The following PPP1R9A variants were observed in gnomAD, a reference collection of about 807,000 sequenced individuals.
The protein encoded by PPP1R9A is protein phosphatase 1 regulatory subunit 9A, also known as neurabin-1.
A neutral mutation model predicts 141.9 loss-of-function variants in PPP1R9A; 59 were observed. The ratio of observed to expected loss-of-function variants is 0.42; its 90% confidence interval spans 0.34 to 0.52. The LOEUF is 0.52. Ranked by LOEUF, PPP1R9A falls within the 20% of genes least tolerant of loss-of-function variation. The probability of loss-of-function intolerance (pLI) is 0.10; values close to 1 mark genes in which losing one functional copy is unlikely to be tolerated. For synonymous variants in PPP1R9A, 500 were observed against 569.7 expected (o/e 0.88, Z 1.74); for missense variants, 1,444 against 1,611.9 (o/e 0.90, Z 1.78).
intron 5 of PPP1R9A, among the ~76,000 whole-genome samples, chr7:95,190,609 A>G (rs1242416883): frequency 6.6e-6 from 1 of 151,890 alleles, no homozygotes; most frequent in East Asian, 2.0e-4. Flanking sequence ...TTGGAACAGG[A>G]TTGTTCTGTC....
intron 2 of PPP1R9A, among the ~76,000 whole-genome samples, chr7:94,936,614 A>G (rs1794782987): frequency 6.6e-6 from 1 of 151,836 alleles, no homozygotes; most frequent in African/African-American, 2.4e-5. Flanking sequence ...CAGTGTACTA[A>G]TAAAACCTTT....
chr7:95,211,685 T>C (rs1792160364), intron 7 of PPP1R9A, among the ~76,000 whole-genome samples: 1 of 152,140 alleles, frequency 6.6e-6, no homozygotes, highest in South Asian at 2.1e-4. Context: ...GACTGACATA[T>C]AAAAGTTTGG....
intron 2 of PPP1R9A, among the ~76,000 whole-genome samples, chr7:95,110,301 CTTCT>C (rs1274308662): frequency 2.0e-5 from 3 of 152,148 alleles, no homozygotes; most frequent in African/African-American, 7.2e-5. Context: ...TCTTTTCTGC[CTTCT>C]GTTTCTACTG....
In PPP1R9A at chr7:95,288,572, T is replaced by G; in HGVS notation, c.3766T>G (p.Cys1256Gly). ...DDGQSPKHSQ[C>G]QNRAVQEWSV... is the part of the protein sequence containing the mutation. ...TGGACAGTCTCCCAAACACAGTCAGTGTCAGAATCGGGCCGTTCAGGAATG... is the reference window on the plus strand; with the variant it reads ...TGGACAGTCTCCCAAACACAGTCAGGGTCAGAATCGGGCCGTTCAGGAATG... The change falls in exon 19 of 20, where the codon TGT becomes GGT. Residue 1256 changes from cysteine (C) to glycine (G), a missense_variant. Cys to Gly is a radical substitution (Grantham distance 159). Coordinates refer to ENST00000433360, the MANE Select transcript of PPP1R9A (RefSeq NM_001166160.2). The G allele has an allele frequency of 6.2e-7, 1 of 1,614,080 alleles. No individual in the cohort carries two copies. Among genetic ancestry groups the G allele is most frequent in the Non-Finnish European group, 8.5e-7 (1 of 1,179,972 alleles).
chr7:95,289,962 C>A, intron 19 of PPP1R9A, 129 bp from the exon 20 acceptor site: 1 of 1,430,522 alleles, frequency 7.0e-7, no homozygotes, highest in Non-Finnish European at 9.3e-7. Context: ...GCAAATGTAA[C>A]TAGTTCTTCC....
chr7:95,084,540 T>C (rs1816344784), intron 2 of PPP1R9A, among the ~76,000 whole-genome samples: 1 of 152,000 alleles, frequency 6.6e-6, no homozygotes, highest in Admixed American at 6.5e-5. Context: ...AGACTTAGAT[T>C]TCCACAGTGT....
At chr7:94,973,519 G>A (rs766698290) in intron 2 of PPP1R9A, among the ~76,000 whole-genome samples, 11 of 152,218 alleles carry the variant, frequency 7.2e-5, no homozygotes, top group Non-Finnish European at 1.6e-4. Flanking sequence ...AGACTAAAAT[G>A]AATATAGTAA....
chr7:95,190,742 A>G (rs1835380130), intron 5 of PPP1R9A, among the ~76,000 whole-genome samples: 1 of 152,196 alleles, frequency 6.6e-6, no homozygotes, highest in South Asian at 2.1e-4. Flanking sequence ...CTTTCAAAGC[A>G]TCTGTGAATT....
intron 2 of PPP1R9A, among the ~76,000 whole-genome samples, chr7:95,072,329 T>C (rs1453638896): frequency 3.5e-5 from 5 of 144,630 alleles, no homozygotes; most frequent in Non-Finnish European, 7.5e-5. Flanking sequence ...ATATATATTA[T>C]ATATAATAAT....
intron 4 of PPP1R9A, among the ~76,000 whole-genome samples, chr7:95,124,875 G>A (rs773551761): frequency 5.3e-5 from 8 of 151,082 alleles, no homozygotes; most frequent in Non-Finnish European, 7.4e-5. Flanking sequence ...CATTGTGATC[G>A]TTTGTATTCC....
chr7:94,989,049 A>G (rs1436759929), intron 2 of PPP1R9A, among the ~76,000 whole-genome samples: 1 of 152,102 alleles, frequency 6.6e-6, no homozygotes, highest in African/African-American at 2.4e-5. Flanking sequence ...AGTAGCTTTC[A>G]GATTTTAGCT....
intron 7 of PPP1R9A, among the ~76,000 whole-genome samples, chr7:95,205,599 C>T (rs1162755593): frequency 3.9e-5 from 6 of 152,152 alleles, no homozygotes; most frequent in African/African-American, 1.2e-4. Context: ...CAGGGGCCAT[C>T]GGGATCCCCT....
intron 12 of PPP1R9A, among the ~76,000 whole-genome samples, chr7:95,263,042 T>C (rs969081422): frequency 1.3e-5 from 2 of 152,044 alleles, no homozygotes; most frequent in Non-Finnish European, 2.9e-5. Flanking sequence ...AGGCAGACAA[T>C]CACCACAGAT....
At chr7:95,232,264 A>G (rs760325022) in intron 8 of PPP1R9A, among the ~76,000 whole-genome samples, 1 of 152,156 alleles carries the variant, frequency 6.6e-6, no homozygotes. Flanking sequence ...AATTGCCAAC[A>G]ATGAGGAAAG....
intron 5 of PPP1R9A, among the ~76,000 whole-genome samples, chr7:95,168,937 G>A (rs1258554064): frequency 6.6e-6 from 1 of 151,960 alleles, no homozygotes; most frequent in East Asian, 1.9e-4. Context: ...CCACTGCTGG[G>A]GATATAAGTT....
chr7:95,160,775 T>C (rs2152708196), intron 4 of PPP1R9A, among the ~76,000 whole-genome samples: 1 of 152,266 alleles, frequency 6.6e-6, no homozygotes, highest in Admixed American at 6.5e-5. Context: ...GAATGTGCGG[T>C]ATTTGATTTT....
chr7:95,269,810 A>G (rs1027084215), intron 14 of PPP1R9A, among the ~76,000 whole-genome samples: 5 of 152,216 alleles, frequency 3.3e-5, no homozygotes, highest in African/African-American at 1.2e-4. Context: ...GTCATAAAGA[A>G]AAAAACACTA....
intron 5 of PPP1R9A, among the ~76,000 whole-genome samples, chr7:95,184,933 TG>T (rs1834402812): frequency 6.6e-6 from 1 of 152,088 alleles, no homozygotes; most frequent in African/African-American, 2.4e-5. Context: ...TAAACGTGAG[TG>T]TGTGGGTGTC....
intron 8 of PPP1R9A, among the ~76,000 whole-genome samples, chr7:95,242,670 G>A (rs1164172630): frequency 6.6e-6 from 1 of 152,138 alleles, no homozygotes; most frequent in Non-Finnish European, 1.5e-5. Flanking sequence ...GAATGTGTAT[G>A]TTTATTTGTG....
Sources: allele counts gnomAD v4.1 joint callset (sites outside exome capture counted in the v4.1 genomes callset), GRCh38; gene constraint gnomAD v4.1.1; transcripts MANE v1.5; gene names NCBI Gene and HGNC (gene_info 2026-07-23, HGNC 2026-07-21).